The following KCNH5 variants were observed in gnomAD, a reference collection of about 807,000 sequenced individuals.
KCNH5 encodes the protein potassium voltage-gated channel subfamily H member 5.
A neutral mutation model predicts 96.1 loss-of-function variants in KCNH5; 46 were observed. That is an observed-to-expected ratio of 0.48 (90% CI 0.38 to 0.61). The LOEUF (loss-of-function observed/expected upper bound fraction) is 0.61. KCNH5 is among the 20% of genes least tolerant of loss of function. The pLI is 0.00. For synonymous variants in KCNH5, 439 were observed against 449.8 expected, an observed-to-expected ratio of 0.98 and a Z score of 0.30; for missense variants, 907 against 1,225.8, an observed-to-expected ratio of 0.74 and a Z score of 3.88.
At chr14:62,735,677 AGT>A (rs1198718146) in intron 10 of KCNH5, among the ~76,000 whole-genome samples, 1 of 152,204 alleles carries the variant, frequency 6.6e-6, no homozygotes, top group African/African-American at 2.4e-5. Flanking sequence ...CCTCCATAAC[AGT>A]GTCCTCCAAA....
chr14:62,984,239 C>T (rs1269798954), intron 5 of KCNH5, among the ~76,000 whole-genome samples: 2 of 152,142 alleles, frequency 1.3e-5, no homozygotes, highest in African/African-American at 2.4e-5. Flanking sequence ...AGAGCATTGA[C>T]TCTAACAAAG....
Position 62,863,297 on chromosome 14 carries a change from G to A in KCNH5, c.1370-13445C>T, listed in dbSNP as rs545180650. The stretch of plus-strand genomic sequence containing the variant: ...CCTTGTGTAGCAAAGTAAACAGCAA[G>A]TGCACAAGAACCACCATCCCAGTTT... On this transcript the variant is annotated intron_variant, in intron 7 of 10. Transcript: ENST00000322893. 2.3e-4 allele frequency among the ~76,000 whole-genome samples: 35 copies of A among 152,206 alleles called. No homozygotes were observed. The South Asian group carries it at 5.6e-3, about 24-fold the overall frequency.
At chr14:62,804,853 G>A (rs967504889) in intron 8 of KCNH5, among the ~76,000 whole-genome samples, 3 of 152,094 alleles carry the variant, frequency 2.0e-5, no homozygotes, top group African/African-American at 4.8e-5. Context: ...TCATCACTAC[G>A]GAACATCTGT....
intron 4 of KCNH5, among the ~76,000 whole-genome samples, chr14:62,989,577 T>G (rs1319365946): frequency 6.6e-6 from 1 of 152,016 alleles, no homozygotes; most frequent in African/African-American, 2.4e-5. Flanking sequence ...GGATGCTTCT[T>G]TGATCCACCC....
chr14:63,005,585 GTTCAT>G (rs144458911), intron 3 of KCNH5, among the ~76,000 whole-genome samples: 1 of 152,254 alleles, frequency 6.6e-6, no homozygotes, highest in East Asian at 1.9e-4. Flanking sequence ...TGAAGTGACT[GTTCAT>G]TTCAAAAAAG....
chr14:63,010,029 C>T (rs1891196691), intron 2 of KCNH5, among the ~76,000 whole-genome samples: 1 of 152,188 alleles, frequency 6.6e-6, no homozygotes, highest in Non-Finnish European at 1.5e-5. Flanking sequence ...TGCTCTCTTA[C>T]ATAGGATGCC....
chr14:62,992,485 T>C (rs1444278534), intron 4 of KCNH5, among the ~76,000 whole-genome samples: 1 of 152,046 alleles, frequency 6.6e-6, no homozygotes, highest in Non-Finnish European at 1.5e-5. Context: ...CTTACCAACA[T>C]CTGCTATTTT....
At chr14:62,866,066 A>T (rs189139369) in intron 7 of KCNH5, among the ~76,000 whole-genome samples, 1 of 152,310 alleles carries the variant, frequency 6.6e-6, no homozygotes, top group East Asian at 1.9e-4. Context: ...TAAGAAGCAG[A>T]ATATATTACT....
chr14:62,844,893 G>A (rs547710168), intron 8 of KCNH5, among the ~76,000 whole-genome samples: 2 of 152,040 alleles, frequency 1.3e-5, no homozygotes, highest in African/African-American at 2.4e-5. Flanking sequence ...CTAAATATGT[G>A]GAAATGATAG....
intron 9 of KCNH5, among the ~76,000 whole-genome samples, chr14:62,795,244 T>C (rs757918071): frequency 6.6e-6 from 1 of 152,092 alleles, no homozygotes; most frequent in Non-Finnish European, 1.5e-5. Flanking sequence ...ACACAACATA[T>C]TTTTCTGGGT....
chr14:63,045,243 A>G lies in KCNH5; in HGVS notation c.-57T>C. ...CGGCGGGGGAGGGGGGGATGCAGGC[A>G]AAGAAGGTGGAGGAAGAGGAGGAAA... is the stretch of plus-strand genomic sequence containing the variant. On this transcript the variant is annotated 5_prime_UTR_variant, in exon 1 of 11. Transcript: ENST00000322893. The G allele has an allele frequency of 1.5e-6, 2 of 1,323,398 alleles. No homozygotes were observed. The highest frequency in any genetic ancestry group is 2.2e-6 in the Non-Finnish European group (2 of 921,512). 82.0% of individuals were successfully genotyped at this position (1,323,398 alleles called of 1,614,324 possible).
intron 9 of KCNH5, among the ~76,000 whole-genome samples, chr14:62,797,612 T>C (rs1041767225): frequency 6.6e-6 from 1 of 152,156 alleles, no homozygotes; most frequent in Admixed American, 6.5e-5. Flanking sequence ...AATAACAAAA[T>C]ATTATTCATT....
chr14:62,751,861 A>G (rs1441874433), intron 10 of KCNH5, among the ~76,000 whole-genome samples: 1 of 152,176 alleles, frequency 6.6e-6, no homozygotes, highest in African/African-American at 2.4e-5. Context: ...ATAGCTTCCT[A>G]TGGATATCAG....
intron 8 of KCNH5, among the ~76,000 whole-genome samples, chr14:62,834,058 ATT>A (rs1342547106): frequency 3.3e-5 from 5 of 151,926 alleles, no homozygotes; most frequent in Non-Finnish European, 7.4e-5. Context: ...GTTTTACTTT[ATT>A]TATCTTTTAG....
chr14:62,886,045 A>G (rs1240976342), intron 7 of KCNH5, among the ~76,000 whole-genome samples: 2 of 152,078 alleles, frequency 1.3e-5, no homozygotes, highest in Non-Finnish European at 2.9e-5. Flanking sequence ...CTGTTTGCAA[A>G]TAAACCTCTC....
intron 6 of KCNH5, among the ~76,000 whole-genome samples, chr14:62,965,727 T>A (rs2139549645): frequency 6.6e-6 from 1 of 152,228 alleles, no homozygotes; most frequent in East Asian, 1.9e-4. Context: ...TAACAATTGA[T>A]CTAGTGATCA....
chr14:62,727,437 A>G (rs1028556187), intron 10 of KCNH5, among the ~76,000 whole-genome samples: 1 of 152,156 alleles, frequency 6.6e-6, no homozygotes, highest in African/African-American at 2.4e-5. Flanking sequence ...AGCAGGGAAT[A>G]AGCTTCTGAC....
rs373629282 is a variant in KCNH5, at chr14:62,957,951, C to T, written c.943-7392G>A. Among the ~76,000 whole-genome samples the T allele has an allele frequency of 3.9e-4, 60 of 152,248 alleles. 3 individuals are homozygous for T. In the South Asian group the frequency reaches 5.8e-3, roughly 15 times the overall value. ...ATTATGGTGGATATTATCTATAAAG[C>T]TTTAGAGTTATTTGACATGCAGGAA... On this transcript the variant is annotated intron_variant, in intron 6 of 10. Transcript: ENST00000322893.
intron 7 of KCNH5, among the ~76,000 whole-genome samples, chr14:62,882,750 A>AGGTCTTACTCAAAATCTTTTTG (rs1888519438): frequency 1.3e-5 from 2 of 152,208 alleles, no homozygotes. Context: ...GGTAGATTTT[A>AGGTCTTACTCAAAATCTTTTTG]ATTGAGGAAC....
Sources: allele counts gnomAD v4.1 joint callset (sites outside exome capture counted in the v4.1 genomes callset), GRCh38; gene constraint gnomAD v4.1.1; transcripts MANE v1.5; gene names NCBI Gene and HGNC (gene_info 2026-07-23, HGNC 2026-07-21).